The following GMDS variants were observed in gnomAD, a reference collection of about 807,000 sequenced individuals.
GMDS encodes the protein GDP-mannose 4,6 dehydratase.
A neutral mutation model predicts 49.9 loss-of-function variants in GMDS; 20 were observed. The ratio of observed to expected loss-of-function variants is 0.40; its 90% CI spans 0.28 to 0.58. The LOEUF (loss-of-function observed/expected upper bound fraction) is 0.58. Among genes scored for constraint, GMDS ranks in the 20% least tolerant of loss-of-function variants. The probability of loss-of-function intolerance (pLI) is 0.42; values close to 1 mark genes in which losing one functional copy is unlikely to be tolerated. For synonymous variants in GMDS, 177 were observed against 178.6 expected (o/e 0.99, Z 0.07); for missense variants, 362 against 481.4 (o/e 0.75, Z 2.32).
intron 9 of GMDS, chr6:1,624,766 C>A (rs753524877): frequency 2.8e-5 from 12 of 425,694 alleles, no homozygotes; most frequent in Non-Finnish European, 4.7e-5. Flanking sequence ...ACCGTGACCG[C>A]GATCCACCCC....
At chr6:2,215,522 CT>C (rs1157865075) in intron 1 of GMDS, among the ~76,000 whole-genome samples, 7 of 136,458 alleles carry the variant, frequency 5.1e-5, no homozygotes, top group Non-Finnish European at 1.1e-4. Flanking sequence ...CCACCGGGTC[CT>C]TCCCACAACA....
intron 7 of GMDS, among the ~76,000 whole-genome samples, chr6:1,890,793 T>G (rs1263659026): frequency 6.6e-6 from 1 of 152,210 alleles, no homozygotes; most frequent in East Asian, 1.9e-4. Flanking sequence ...ATGAATTACT[T>G]AAAAATAACA....
chr6:2,159,129 T>C (rs1274230219), intron 1 of GMDS, among the ~76,000 whole-genome samples: 1 of 152,234 alleles, frequency 6.6e-6, no homozygotes, highest in Non-Finnish European at 1.5e-5. Flanking sequence ...TTAAACTAAG[T>C]CCAACTTTGG....
intron 7 of GMDS, among the ~76,000 whole-genome samples, chr6:1,756,702 C>T (rs528516637): frequency 2.0e-5 from 3 of 152,316 alleles, no homozygotes; most frequent in East Asian, 3.9e-4. Flanking sequence ...AGATGGCCTC[C>T]CTCACAGGTC....
chr6:2,213,043 C>T (rs922287779), intron 1 of GMDS, among the ~76,000 whole-genome samples: 1 of 152,134 alleles, frequency 6.6e-6, no homozygotes, highest in Admixed American at 6.5e-5. Context: ...TCAAAATTAG[C>T]CCCCTACTGT....
At chr6:1,780,897 T>C (rs1356261909) in intron 7 of GMDS, among the ~76,000 whole-genome samples, 1 of 152,232 alleles carries the variant, frequency 6.6e-6, no homozygotes, top group Non-Finnish European at 1.5e-5. Flanking sequence ...ACCAAACTTA[T>C]ATTTTAAAAA....
In GMDS at chr6:1,797,176, G is replaced by A. The variant is rs746550051; in HGVS notation, c.772-54590C>T. On this transcript the variant is annotated intron_variant, in intron 7 of 10. Transcript: ENST00000380815. ...CTCACAGGAGCGTGAACCCTACTGT[G>A]AACTGCACGTGCGAGGGATCCAGGT... 3.7e-4 allele frequency among the ~76,000 whole-genome samples: 57 copies of A among 152,162 alleles called. 1 individual carries two copies. The highest frequency in any genetic ancestry group is 7.3e-4 in the Non-Finnish European group (50 of 68,030).
intron 4 of GMDS, among the ~76,000 whole-genome samples, chr6:2,050,185 T>C (rs963900658): frequency 6.6e-6 from 1 of 151,922 alleles, no homozygotes; most frequent in Non-Finnish European, 1.5e-5. Flanking sequence ...AAAAAAATGA[T>C]AGAGGGGATA....
At chr6:1,820,739 A>C (rs1770854141) in intron 7 of GMDS, among the ~76,000 whole-genome samples, 1 of 152,230 alleles carries the variant, frequency 6.6e-6, no homozygotes, top group Non-Finnish European at 1.5e-5. Context: ...GAATTTCCAA[A>C]ATTCTAATAA....
intron 7 of GMDS, among the ~76,000 whole-genome samples, chr6:1,897,068 G>C (rs1760237988): frequency 6.6e-6 from 1 of 152,188 alleles, no homozygotes; most frequent in Non-Finnish European, 1.5e-5. Context: ...AAAGAGGTCT[G>C]GACAAGGGAG....
chr6:1,879,742 A>G (rs1396316214), intron 7 of GMDS, among the ~76,000 whole-genome samples: 1 of 152,174 alleles, frequency 6.6e-6, no homozygotes, highest in African/African-American at 2.4e-5. Context: ...AGATTAACCA[A>G]CTCAGACATC....
chr6:2,008,844 T>TA (rs1394655512), intron 4 of GMDS, among the ~76,000 whole-genome samples: 1 of 152,072 alleles, frequency 6.6e-6, no homozygotes, highest in African/African-American at 2.4e-5. Flanking sequence ...TTACATGCCC[T>TA]AGCAGGTACG....
intron 6 of GMDS, among the ~76,000 whole-genome samples, chr6:1,949,898 A>T (rs1043736601): frequency 2.6e-5 from 4 of 152,242 alleles, no homozygotes; most frequent in Non-Finnish European, 4.4e-5. Flanking sequence ...ATTTTTTGCA[A>T]TAAATTAAGT....
chr6:1,773,183 C>G (rs1768650684), intron 7 of GMDS, among the ~76,000 whole-genome samples: 1 of 139,904 alleles, frequency 7.1e-6, no homozygotes, highest in Non-Finnish European at 1.5e-5. Flanking sequence ...AGAAAATGCA[C>G]AGAGGGTCCT....
chr6:1,724,840 G>A (rs546494023), intron 9 of GMDS, among the ~76,000 whole-genome samples: 8 of 152,218 alleles, frequency 5.3e-5, no homozygotes, highest in South Asian at 2.1e-4. Flanking sequence ...CATTAGCACC[G>A]GGAACAATGG....
intron 1 of GMDS, among the ~76,000 whole-genome samples, chr6:2,237,599 G>A (rs943299728): frequency 6.9e-6 from 1 of 144,612 alleles, no homozygotes; most frequent in South Asian, 2.2e-4. Context: ...TCGGCTCACT[G>A]CAAGCTCTGC....
chr6:2,071,520 C>A (rs1054073372), intron 4 of GMDS, among the ~76,000 whole-genome samples: 1 of 151,868 alleles, frequency 6.6e-6, no homozygotes, highest in Admixed American at 6.6e-5. Flanking sequence ...TCTTAATTAA[C>A]AGGAGCTCAA....
At chr6:1,889,900 CATA>C (rs1169239882) in intron 7 of GMDS, among the ~76,000 whole-genome samples, 4 of 152,130 alleles carry the variant, frequency 2.6e-5, no homozygotes, top group African/African-American at 9.7e-5. Context: ...TTTTACTTAG[CATA>C]ATGTTTTCCA....
At chr6:2,223,573 C>T (rs1265033279) in intron 1 of GMDS, among the ~76,000 whole-genome samples, 3 of 152,068 alleles carry the variant, frequency 2.0e-5, no homozygotes, top group Non-Finnish European at 4.4e-5. Flanking sequence ...GAGATGACAC[C>T]GCTACCAAAG....
Sources: allele counts gnomAD v4.1 joint callset (sites outside exome capture counted in the v4.1 genomes callset), GRCh38; gene constraint gnomAD v4.1.1; transcripts MANE v1.5; gene names NCBI Gene and HGNC (gene_info 2026-07-23, HGNC 2026-07-21).